Variants in C8orf89 observed in about 807,000 individuals in gnomAD.
The protein encoded by C8orf89 is chromosome 8 open reading frame 89.
In C8orf89, 14 loss-of-function variants were observed where a neutral mutation model predicts 15.8. The observed-to-expected ratio is 0.89, with a 90% CI of 0.59 to 1.39. The LOEUF (loss-of-function observed/expected upper bound fraction) is 1.39. C8orf89 is among the 40% of genes most tolerant of loss of function. The pLI, the probability that C8orf89 is intolerant of heterozygous loss-of-function variation, is 0.00. For missense variants in C8orf89, 181 were observed against 184.5 expected, an observed-to-expected ratio of 0.98 and a Z score of 0.11; for synonymous variants, 55 against 62.2, an observed-to-expected ratio of 0.88 and a Z score of 0.54.
the C8orf89 span, among the ~76,000 whole-genome samples, chr8:73,268,405 G>A: frequency 6.6e-6 from 1 of 152,010 alleles, no homozygotes; most frequent in South Asian, 2.1e-4. Flanking sequence ...CTTGAACCTG[G>A]GAGGCAGAGG....
the C8orf89 span, among the ~76,000 whole-genome samples, chr8:73,266,550 C>T: frequency 2.4e-4 from 37 of 152,290 alleles, no homozygotes; most frequent in African/African-American, 7.2e-4. Context: ...ACAGGATCTA[C>T]CTTATGGTTT....
At chr8:73,275,944 T>A in the C8orf89 span, among the ~76,000 whole-genome samples, 4 of 152,128 alleles carry the variant, frequency 2.6e-5, no homozygotes, top group Non-Finnish European at 4.4e-5. Flanking sequence ...TTTGATACTG[T>A]TTCTCTGATC....
At chr8:73,274,193 G>C in the C8orf89 span, among the ~76,000 whole-genome samples, 1 of 151,576 alleles carries the variant, frequency 6.6e-6, no homozygotes, top group East Asian at 1.9e-4. Context: ...TTGCTCTGTC[G>C]CCCAGGCTGG....
the C8orf89 span, among the ~76,000 whole-genome samples, chr8:73,273,450 A>T: frequency 6.6e-6 from 1 of 152,244 alleles, no homozygotes. Context: ...GGGAGGCACT[A>T]ACATGCCAGC....
the C8orf89 span, among the ~76,000 whole-genome samples, chr8:73,281,554 TA>T: frequency 1.3e-5 from 2 of 152,210 alleles, no homozygotes; most frequent in Non-Finnish European, 2.9e-5. Flanking sequence ...ATTAGTTCAT[TA>T]CGATAAAGCT....
At chr8:73,268,746 C>T in the C8orf89 span, among the ~76,000 whole-genome samples, 12 of 152,092 alleles carry the variant, frequency 7.9e-5, no homozygotes, top group Admixed American at 4.6e-4. Context: ...ATATAATGGG[C>T]GTGGGAGGGA....
intron 3 of C8orf89, among the ~76,000 whole-genome samples, chr8:73,243,207 C>A (rs1434031895): frequency 6.6e-6 from 1 of 151,800 alleles, no homozygotes; most frequent in East Asian, 1.9e-4. Flanking sequence ...TTTATAGGTA[C>A]AAAAAATACA....
the C8orf89 span, among the ~76,000 whole-genome samples, chr8:73,273,378 T>C: frequency 6.6e-6 from 1 of 152,214 alleles, no homozygotes; most frequent in African/African-American, 2.4e-5. Flanking sequence ...ACTCTGATTT[T>C]AGAGCAAAGT....
chr8:73,256,142 T>C (rs1430212792), intron 2 of C8orf89, among the ~76,000 whole-genome samples: 11 of 149,724 alleles, frequency 7.3e-5, no homozygotes, highest in Non-Finnish European at 1.5e-4. Flanking sequence ...ATAATAATAA[T>C]AATAATAATA....
At chr8:73,264,892 G>A in the C8orf89 span, among the ~76,000 whole-genome samples, 74 of 152,222 alleles carry the variant, frequency 4.9e-4, no homozygotes, top group Non-Finnish European at 6.0e-4. Flanking sequence ...AGAACAGTGA[G>A]TGCAAAGGCT....
chr8:73,258,461 GC>G (rs1470458173), intron 1 of C8orf89, among the ~76,000 whole-genome samples: 1 of 146,876 alleles, frequency 6.8e-6, no homozygotes, highest in African/African-American at 2.5e-5. Context: ...AAAGATGGAA[GC>G]AGAATTCAGA....
chr8:73,244,869 A>C, intron 3 of C8orf89, among the ~76,000 whole-genome samples: 1 of 152,252 alleles, frequency 6.6e-6, no homozygotes, highest in East Asian at 1.9e-4. Flanking sequence ...GTTGTTAATA[A>C]TAAGATAAAT....
At position 73,254,144 on chromosome 8, in the gene C8orf89, A is replaced by T. The variant is rs536319503; in HGVS notation, c.281+2829T>A. Reference sequence around the variant, plus strand: ...TTTATTGAGAGTTTTTAGCATGAAGAGTTGTTGAATTTTGTCAAAGGCCGT... The same window carrying T: ...TTTATTGAGAGTTTTTAGCATGAAGTGTTGTTGAATTTTGTCAAAGGCCGT... On this transcript the variant is annotated intron_variant, in intron 2 of 3. Coordinates refer to ENST00000624510, the MANE Select transcript of C8orf89 (RefSeq NM_001243237.3). 5.5e-3 allele frequency among the ~76,000 whole-genome samples: 840 copies of T among 152,062 alleles called. 10 individuals carry two copies. Among genetic ancestry groups the T allele is most frequent in the African/African-American group, 0.019 (799 of 41,448 alleles).
At chr8:73,283,591 A>C in the C8orf89 span, among the ~76,000 whole-genome samples, 1 of 152,252 alleles carries the variant, frequency 6.6e-6, no homozygotes, top group South Asian at 2.1e-4. Flanking sequence ...AGAATAATAA[A>C]TACAGATTTT....
intron 2 of C8orf89, among the ~76,000 whole-genome samples, chr8:73,251,817 G>T (rs1813255776): frequency 1.3e-5 from 2 of 152,244 alleles, no homozygotes; most frequent in Admixed American, 1.3e-4. Context: ...TAACAAGACG[G>T]GTCCATACCG....
At chr8:73,260,806 T>C (rs1031851802), upstream of C8orf89, among the ~76,000 whole-genome samples, 3 of 152,148 alleles carry the variant, frequency 2.0e-5, no homozygotes, top group African/African-American at 4.8e-5. Flanking sequence ...TTCCTGAGTG[T>C]GTCTGTGAGG....
chr8:73,256,075 A>G (rs996595246), intron 2 of C8orf89, among the ~76,000 whole-genome samples: 22 of 151,632 alleles, frequency 1.5e-4, no homozygotes, highest in African/African-American at 5.1e-4. Flanking sequence ...TAACCTGCAC[A>G]TTGTGCACAT....
At chr8:73,285,577 G>T in the C8orf89 span, among the ~76,000 whole-genome samples, 2 of 152,240 alleles carry the variant, frequency 1.3e-5, no homozygotes. Flanking sequence ...CCTTGGCCAG[G>T]GCTCGTCCTG....
chr8:73,277,660 T>C, the C8orf89 span: 3 of 757,192 alleles, frequency 4.0e-6, no homozygotes, highest in Non-Finnish European at 7.4e-6. Flanking sequence ...GGTTTCTCTT[T>C]TAAAATAAGG....
Sources: gnomAD v4.1 joint callset for allele counts (sites outside exome capture counted in the v4.1 genomes callset) on GRCh38, gnomAD v4.1.1 for gene constraint, MANE v1.5 for transcripts, NCBI Gene and HGNC (gene_info 2026-07-23, HGNC 2026-07-21) for gene names.